ERBB4: variants seen among roughly 807,000 people sequenced by gnomAD.
The protein encoded by ERBB4 is receptor tyrosine-protein kinase erbB-4.
A neutral mutation model predicts 158.0 loss-of-function variants in ERBB4; 42 were observed. That is an observed-to-expected ratio of 0.27 (90% CI 0.21 to 0.34). The LOEUF (loss-of-function observed/expected upper bound fraction) is 0.34. Among genes scored for constraint, ERBB4 ranks in the 10% least tolerant of loss-of-function variants. The probability of loss-of-function intolerance (pLI) is 1.00; values close to 1 mark genes in which losing one functional copy is unlikely to be tolerated. For missense variants in ERBB4, 1,333 were observed against 1,624.1 expected, an observed-to-expected ratio of 0.82 and a Z score of 3.08; for synonymous variants, 583 against 558.7, an observed-to-expected ratio of 1.04 and a Z score of -0.61.
chr2:212,268,967 A>G (rs1574561735), intron 1 of ERBB4, among the ~76,000 whole-genome samples: 1 of 151,896 alleles, frequency 6.6e-6, no homozygotes, highest in Non-Finnish European at 1.5e-5. Flanking sequence ...TATTCAAAAA[A>G]CCATTAGCAC....
At chr2:211,780,853 T>G (rs1029401140) in intron 4 of ERBB4, among the ~76,000 whole-genome samples, 1 of 152,238 alleles carries the variant, frequency 6.6e-6, no homozygotes. Flanking sequence ...TCATACAGAT[T>G]CAATGTATCC....
chr2:212,529,367 A>G (rs539928871), intron 1 of ERBB4, among the ~76,000 whole-genome samples: 1 of 152,310 alleles, frequency 6.6e-6, no homozygotes, highest in East Asian at 1.9e-4. Flanking sequence ...ACCAACAGAA[A>G]TTGCACCATA....
chr2:211,623,791 A>G, intron 18 of ERBB4, 131 bp downstream of exon 18: 1 of 850,556 alleles, frequency 1.2e-6, no homozygotes, highest in Non-Finnish European at 1.8e-6. Flanking sequence ...CAACTTCTCA[A>G]TATTATAAAA....
intron 3 of ERBB4, among the ~76,000 whole-genome samples, chr2:211,841,694 G>A (rs558073861): frequency 6.6e-6 from 1 of 151,648 alleles, no homozygotes; most frequent in East Asian, 1.9e-4. Context: ...TTTAATATGA[G>A]GCCTTCAAAA....
At chr2:212,175,291 C>A (rs1392844457) in intron 1 of ERBB4, among the ~76,000 whole-genome samples, 1 of 152,006 alleles carries the variant, frequency 6.6e-6, no homozygotes, top group Non-Finnish European at 1.5e-5. Flanking sequence ...TTAATTCAGA[C>A]AATAGGCACA....
intron 2 of ERBB4, among the ~76,000 whole-genome samples, chr2:212,033,154 A>G (rs2076939864): frequency 6.6e-6 from 1 of 151,984 alleles, no homozygotes; most frequent in Admixed American, 6.6e-5. Context: ...TAGTCTACTC[A>G]GAAATCTATA....
chr2:212,165,470 T>C (rs535631218), intron 1 of ERBB4, among the ~76,000 whole-genome samples: 27 of 151,994 alleles, frequency 1.8e-4, no homozygotes, highest in African/African-American at 5.1e-4. Context: ...AAAGGATAAA[T>C]AGTGACTGAT....
At position 212,326,496 on chromosome 2, in the gene ERBB4, A is replaced by G. The variant is rs150177707; in HGVS notation, c.83-201593T>C. ...TTTCAATGATTAGATTCCTTAGCTTAAAAAAAAATTCATTTGAATACGCTT... is the reference window on the plus strand; with the variant it reads ...TTTCAATGATTAGATTCCTTAGCTTGAAAAAAAATTCATTTGAATACGCTT... On this transcript the variant is annotated intron_variant, in intron 1 of 27. Transcript: ENST00000342788. Among the ~76,000 whole-genome samples, 805 of 150,228 alleles carry G rather than the reference A, an allele frequency of 5.4e-3. 12 individuals carry two copies. The highest frequency in any genetic ancestry group is 0.017 in the African/African-American group (716 of 41,286).
chr2:211,932,222 T>C (rs2080197471), intron 3 of ERBB4, among the ~76,000 whole-genome samples: 4 of 152,048 alleles, frequency 2.6e-5, no homozygotes, highest in South Asian at 4.1e-4. Context: ...AATTTCTGCG[T>C]TAAGAATCTT....
intron 6 of ERBB4, among the ~76,000 whole-genome samples, chr2:211,724,149 T>A (rs1434343104): frequency 6.6e-6 from 1 of 152,142 alleles, no homozygotes; most frequent in Non-Finnish European, 1.5e-5. Flanking sequence ...ACCTACTGAG[T>A]ATCTTCTTTA....
At chr2:211,461,903 T>G (rs1173092513) in intron 20 of ERBB4, among the ~76,000 whole-genome samples, 1 of 151,054 alleles carries the variant, frequency 6.6e-6, no homozygotes, top group East Asian at 1.9e-4. Context: ...AAAAAAACAA[T>G]AAAACAACAA....
At chr2:211,510,121 G>T (rs1254499932) in intron 20 of ERBB4, among the ~76,000 whole-genome samples, 2 of 152,034 alleles carry the variant, frequency 1.3e-5, no homozygotes, top group African/African-American at 2.4e-5. Flanking sequence ...ATACAAAAAA[G>T]ATACCTGCAC....
intron 2 of ERBB4, among the ~76,000 whole-genome samples, chr2:211,948,149 T>A: frequency 6.6e-6 from 1 of 151,978 alleles, no homozygotes; most frequent in East Asian, 1.9e-4. Flanking sequence ...AAAAACTAAT[T>A]GTTGTGGCCG....
intron 1 of ERBB4, among the ~76,000 whole-genome samples, chr2:212,458,040 A>G (rs1364164278): frequency 6.6e-6 from 1 of 152,130 alleles, no homozygotes; most frequent in Non-Finnish European, 1.5e-5. Flanking sequence ...AATAGGAAAT[A>G]ATCAGCTAGT....
intron 1 of ERBB4, among the ~76,000 whole-genome samples, chr2:212,140,055 C>A (rs1228627768): frequency 6.6e-6 from 1 of 151,646 alleles, no homozygotes; most frequent in Non-Finnish European, 1.5e-5. Context: ...CTGATTATAA[C>A]TTGTAAAGAA....
chr2:212,289,687 G>T (rs907840320), intron 1 of ERBB4, among the ~76,000 whole-genome samples: 1 of 152,118 alleles, frequency 6.6e-6, no homozygotes, highest in African/African-American at 2.4e-5. Flanking sequence ...CTACTGGAAG[G>T]GCAGTTAGTA....
intron 3 of ERBB4, among the ~76,000 whole-genome samples, chr2:211,906,708 C>T (rs891885506): frequency 2.0e-5 from 3 of 151,496 alleles, no homozygotes; most frequent in African/African-American, 7.3e-5. Context: ...TCCTCCCACC[C>T]TCTACCCTCA....
In ERBB4 at chr2:211,630,519, A is replaced by G. The variant is rs2125872730; in HGVS notation, c.2022T>C (p.Tyr674=). The change falls in exon 17 of 28, where the codon TAT becomes TAC. Residue 674 remains tyrosine, a synonymous_variant. Transcript: ENST00000342788. ...LVIVGLTFAV[Y]VRRKSIKKKR... ...TCTTTTTGATGCTCTTCCTTCTAAC[A>G]TAAACAGCAAATGTCAGACCCACAA... The G allele has an allele frequency of 6.2e-7, 1 of 1,613,710 alleles. No homozygotes were observed. The highest frequency in any genetic ancestry group is 2.2e-5 in the East Asian group (1 of 44,850).
chr2:212,343,884 CAT>C (rs933359366), intron 1 of ERBB4, among the ~76,000 whole-genome samples: 8 of 152,050 alleles, frequency 5.3e-5, no homozygotes, highest in South Asian at 2.1e-4. Flanking sequence ...TACTGTTTTT[CAT>C]ATCACATAGG....
Sources: gnomAD v4.1 joint callset for allele counts (sites outside exome capture counted in the v4.1 genomes callset) on GRCh38, gnomAD v4.1.1 for gene constraint, MANE v1.5 for transcripts, NCBI Gene and HGNC (gene_info 2026-07-23, HGNC 2026-07-21) for gene names.